Variants in DENND4B observed in about 807,000 individuals in gnomAD.
DENND4B encodes the protein DENN domain containing 4B, also known as DENN domain-containing protein 4B.
In DENND4B, 67 loss-of-function variants were observed where a neutral mutation model predicts 161.0. The ratio of observed to expected loss-of-function variants is 0.42; its 90% CI spans 0.34 to 0.51. The LOEUF is 0.51. Ranked by LOEUF, DENND4B falls within the 20% of genes least tolerant of loss-of-function variation. The pLI, the probability that DENND4B is intolerant of heterozygous loss-of-function variation, is 0.08. For synonymous variants in DENND4B, 753 were observed against 813.8 expected, an observed-to-expected ratio of 0.93 and a Z score of 1.27; for missense variants, 1,481 against 1,968.0, an observed-to-expected ratio of 0.75 and a Z score of 4.68.
rs1557857403 is a variant in DENND4B at position 153,942,101 on chromosome 1, C to T, written c.823G>A (p.Ala275Thr). 3.7e-6 allele frequency: 6 copies of T among 1,613,290 alleles called. No individual in the cohort carries two copies. The highest frequency in any genetic ancestry group is 1.3e-5 in the African/African-American group (1 of 75,020). ...GAAGDKVYGA[A>T]LQFYEAFPRA... is the part of the protein sequence containing the mutation. ...GGGAACGCCTCGTAGAACTGCAGGG[C>T]GGCACCATACACCTGGCAGGGGGCA... Residue 275 changes from alanine to threonine, a missense_variant, in exon 6 of 28, where the codon GCC (alanine) becomes ACC (threonine). Ala to Thr is a moderately conservative substitution (Grantham distance 58). This residue lies in a region of DENND4B where 806 missense variants were observed against 1,134.4 expected (regional missense o/e 0.71). Coordinates refer to ENST00000361217, the MANE Select transcript of DENND4B (RefSeq NM_014856.3). This position sits in a 1 kb window ranked among gnomAD's most constrained non-coding sequence, Gnocchi z 6.9.
chr1:153,941,254 A>T lies in DENND4B; in HGVS notation c.1158T>A (p.Pro386=). Residue 386 remains proline, a synonymous_variant, in exon 8 of 28, where the codon CCT becomes CCA. Transcript: ENST00000361217. The part of the protein sequence containing the change: ...SPYDNLLLCQ[P]VSSPLPLSGA... Reference sequence around the variant, plus strand: ...ACCTGAGGGGCAGGGGTGAGGATACAGGCTGACAGAGGAGCAAGTTGTCAT... The same window carrying T: ...ACCTGAGGGGCAGGGGTGAGGATACTGGCTGACAGAGGAGCAAGTTGTCAT... 2 of 1,613,886 alleles carry T rather than the reference A, an allele frequency of 1.2e-6. No homozygotes were observed. Among genetic ancestry groups the T allele is most frequent in the Non-Finnish European group, 1.7e-6 (2 of 1,179,842 alleles).
Position 153,930,811 on chromosome 1 carries a change from G to T in DENND4B, c.4161C>A (p.Ser1387=). The change falls in exon 26 of 28, where the codon TCC becomes TCA. Residue 1387 remains serine, a synonymous_variant. Coordinates refer to ENST00000361217, the MANE Select transcript of DENND4B (RefSeq NM_014856.3). The surrounding 1 kb of genome is among the most constrained non-coding windows in gnomAD (Gnocchi z 4.7). ...RVVWPGPVPA[S]LSLALLESVL... Reference sequence around the variant, plus strand: ...CTGACTCCAACAGTGCCAAACTAAGGGATGCAGGTACAGGGCCTGGCCATA... The same window carrying T: ...CTGACTCCAACAGTGCCAAACTAAGTGATGCAGGTACAGGGCCTGGCCATA... 6.2e-7 allele frequency: 1 copy of T among 1,605,700 alleles called. No homozygotes were observed. Among genetic ancestry groups the T allele is most frequent in the Non-Finnish European group, 8.5e-7 (1 of 1,176,100 alleles).
At position 153,934,756 on chromosome 1, in the gene DENND4B, C is replaced by G; in HGVS notation, c.2773+4G>C. ...CCAAGCCTGTCTCACCAGGCCCTAC[C>G]CACCTGCCTGGGAGCTGCCTGCCTC... On this transcript the variant is annotated splice_donor_region_variant and intron_variant, in intron 18 of 27. Coordinates refer to ENST00000361217, the MANE Select transcript of DENND4B (RefSeq NM_014856.3). This position sits in a 1 kb window ranked among gnomAD's most constrained non-coding sequence, Gnocchi z 5.3. 1.2e-6 allele frequency: 2 copies of G among 1,610,940 alleles called. No individual in the cohort carries two copies.
At chr1:153,945,563 C>A (rs931099437) in intron 1 of DENND4B, among the ~76,000 whole-genome samples, 1 of 151,830 alleles carries the variant, frequency 6.6e-6, no homozygotes, top group African/African-American at 2.4e-5. Flanking sequence ...GACACACACA[C>A]ACACACACAC....
chr1:153,939,937 A>G (rs573660548), intron 11 of DENND4B, 133 bp from the exon 12 acceptor site: 1 of 912,450 alleles, frequency 1.1e-6, no homozygotes, highest in East Asian at 2.7e-5. Flanking sequence ...ATTACCTTCA[A>G]CTAACAGGTT....
Position 153,936,153 on chromosome 1 carries a change from G to A in DENND4B, c.2475C>T (p.His825=). ...GCACAGACAGCACAGGCTGCCCATA[G>A]TGTGAGCAGAGCTGCATCAGTACCC... ...CYRVLMQLCS[H]YGQPVLSVRV... Residue 825 remains histidine, a synonymous_variant, in exon 17 of 28, where the codon CAC becomes CAT. Coordinates refer to ENST00000361217, the MANE Select transcript of DENND4B (RefSeq NM_014856.3). This position sits in a 1 kb window ranked among gnomAD's most constrained non-coding sequence, Gnocchi z 4.1. 2 of 1,609,502 alleles carry A rather than the reference G, an allele frequency of 1.2e-6. No homozygotes were observed. The highest frequency in any genetic ancestry group is 1.7e-6 in the Non-Finnish European group (2 of 1,177,972).
In DENND4B at chr1:153,933,581, G is replaced by A; in HGVS notation, c.3232C>T (p.Pro1078Ser). Residue 1078 changes from proline (P) to serine (S), a missense_variant, in exon 20 of 28, where the codon CCA becomes TCA. By Grantham distance (74) the Pro-to-Ser change is moderately conservative (BLOSUM62 -1). Transcript: ENST00000361217. The surrounding 1 kb of genome is among the most constrained non-coding windows in gnomAD (Gnocchi z 5.7). ...GGCAGGTCAGGAGGCAGCTCAGGTG[G>A]GGGAATGCGGGAGGCAGGGGAGTGG... ...SRHSPASRIPPPELPPDLPPP... is the reference protein window; with the variant it reads ...SRHSPASRIPSPELPPDLPPP... 2 of 1,566,186 alleles carry A rather than the reference G, an allele frequency of 1.3e-6. No homozygotes were observed. The highest frequency in any genetic ancestry group is 1.2e-5 in the South Asian group (1 of 83,996).
At position 153,938,891 on chromosome 1, in the gene DENND4B, GGAT is replaced by G. The variant is rs1475509472; in HGVS notation, c.1965+6_1965+8del. On this transcript the variant is annotated splice_donor_region_variant and intron_variant, in intron 13 of 27. Transcript: ENST00000361217. ...AGAGGCCAATGAGCACATAGAGAAGGGATGATACCTTTTCAACACAAGAGTCAA... is the reference window on the plus strand; with the variant it reads ...AGAGGCCAATGAGCACATAGAGAAGGGATACCTTTTCAACACAAGAGTCAA... 2 of 1,575,904 alleles carry G rather than the reference GGAT, an allele frequency of 1.3e-6. No homozygotes were observed. The highest frequency in any genetic ancestry group is 1.7e-6 in the Non-Finnish European group (2 of 1,160,796).
Position 153,932,977 on chromosome 1 carries a change from A to T in DENND4B, c.3507T>A (p.Asp1169Glu). The T allele has an allele frequency of 6.2e-7, 1 of 1,613,974 alleles. No individual in the cohort carries two copies. Among genetic ancestry groups the T allele is most frequent in the Non-Finnish European group, 8.5e-7 (1 of 1,179,864 alleles). The change falls in exon 22 of 28, where the codon GAT becomes GAA. Residue 1169 changes from aspartate to glutamate, a missense_variant. By Grantham distance (45) the Asp-to-Glu change is conservative. This residue lies in a region of DENND4B where 336 missense variants were observed against 503.3 expected (regional missense o/e 0.67). Transcript: ENST00000361217. This position sits in a 1 kb window ranked among gnomAD's most constrained non-coding sequence, Gnocchi z 5.8. ...LCRACDSLVY[D>E]EEIMAGWAPD... The stretch of plus-strand genomic sequence containing the variant: ...GTGCCCAGCCAGCCATGATTTCCTC[A>T]TCATACACCAGCGAATCACAGGCAC...
In DENND4B at chr1:153,942,958, G is replaced by T; in HGVS notation, c.490C>A (p.Leu164Ile). The T allele has an allele frequency of 6.2e-7, 1 of 1,613,910 alleles. No homozygotes were observed. The highest frequency in any genetic ancestry group is 8.5e-7 in the Non-Finnish European group (1 of 1,179,838). ...AGLHALGITD[L>I]CLVLPSKGEG... is the part of the protein sequence containing the mutation. ...CCCTTACTGGGCAGCACCAGGCAGA[G>T]GTCAGTGATGCCCAGGGCATGCAGC... The change falls in exon 3 of 28, where the codon CTC becomes ATC. Residue 164 changes from leucine to isoleucine, a missense_variant. By Grantham distance (5) the Leu-to-Ile change is conservative (BLOSUM62 2). Around this residue, in one of 3 missense-constraint regions of DENND4B, gnomAD observed 806 missense variants for 1,134.4 expected, o/e 0.71. Coordinates refer to ENST00000361217, the MANE Select transcript of DENND4B (RefSeq NM_014856.3). The surrounding 1 kb of genome is among the most constrained non-coding windows in gnomAD (Gnocchi z 6.9).
chr1:153,937,932 G>A lies in DENND4B; in HGVS notation c.1966-69C>T, dbSNP rs573916603. Reference sequence around the variant, plus strand: ...TGGAGCAGAGCCAGGGTGTCTAGACGATGGCATCTCCCAGGAAAGCTCATC... The same window carrying A: ...TGGAGCAGAGCCAGGGTGTCTAGACAATGGCATCTCCCAGGAAAGCTCATC... On this transcript the variant is annotated intron_variant, in intron 13 of 27. Transcript: ENST00000361217. This position sits in a 1 kb window ranked among gnomAD's most constrained non-coding sequence, Gnocchi z 4.7. The A allele has an allele frequency of 3.4e-5, 55 of 1,596,884 alleles. No individual in the cohort carries two copies. In the East Asian group the frequency reaches 4.3e-4, roughly 12 times the overall value.
Position 153,930,173 on chromosome 1 carries a change from CT to C in DENND4B, c.*123del. 1 of 1,311,410 alleles carries C rather than the reference CT, an allele frequency of 7.6e-7. No individual in the cohort carries two copies. Among genetic ancestry groups the C allele is most frequent in the Non-Finnish European group, 1.0e-6 (1 of 977,946 alleles). 81.2% of individuals were successfully genotyped at this position (1,311,410 alleles called of 1,614,324 possible). On this transcript the variant is annotated 3_prime_UTR_variant, in exon 28 of 28. Transcript: ENST00000361217. This position sits in a 1 kb window ranked among gnomAD's most constrained non-coding sequence, Gnocchi z 4.7. ...TCTTCCTGTTGTCCTCGCTTGGAGC[CT>C]TTGACTGGGCATCCTTCCCAGCCTG...
Position 153,932,141 on chromosome 1 carries a change from TG to T in DENND4B, c.3996+62del. 1.4e-6 allele frequency: 2 copies of T among 1,452,476 alleles called. No individual in the cohort carries two copies. Among genetic ancestry groups the T allele is most frequent in the Non-Finnish European group, 1.9e-6 (2 of 1,055,392 alleles). The allele number at this position is 1,452,476 out of a possible 1,614,324, so 90.0% of individuals were successfully genotyped here. On this transcript the variant is annotated intron_variant, in intron 24 of 27. Transcript: ENST00000361217. The surrounding 1 kb of genome is among the most constrained non-coding windows in gnomAD (Gnocchi z 5.8). ...TCTTTCTACAGTGCCAAGGACACAG[TG>T]GACAAATGGCTGAGAGATGAGGGAG...
rs1557846896 is a variant in DENND4B, at chr1:153,933,347, GC to G, written c.3331-29del. On this transcript the variant is annotated intron_variant, in intron 20 of 27. Transcript: ENST00000361217. This position sits in a 1 kb window ranked among gnomAD's most constrained non-coding sequence, Gnocchi z 5.7. ...ACCATGACATGAGAAACCATGGTCA[GC>G]CAACCCCATGCTCTTCCACCCAGGA... 1 of 1,613,110 alleles carries G rather than the reference GC, an allele frequency of 6.2e-7. No homozygotes were observed. The highest frequency in any genetic ancestry group is 8.5e-7 in the Non-Finnish European group (1 of 1,179,568).
intron 2 of DENND4B, among the ~76,000 whole-genome samples, chr1:153,943,567 A>C (rs1192005873): frequency 6.6e-6 from 1 of 151,222 alleles, no homozygotes; most frequent in African/African-American, 2.4e-5. Context: ...AGTCTCAGCT[A>C]CTCAGGAAGC....
In DENND4B at chr1:153,941,066, G is replaced by A. The variant is rs1426314742; in HGVS notation, c.1182-18C>T. 6.4e-7 allele frequency: 1 copy of A among 1,552,568 alleles called. No homozygotes were observed. Among genetic ancestry groups the A allele is most frequent in the Non-Finnish European group, 8.7e-7 (1 of 1,149,706 alleles). ...TGGCACCACTGCAGGCAATGCCGAGGTGGGGAAAGGGTCACCAGGATACCC... is the reference window on the plus strand; with the variant it reads ...TGGCACCACTGCAGGCAATGCCGAGATGGGGAAAGGGTCACCAGGATACCC... On this transcript the variant is annotated intron_variant, in intron 8 of 27. Coordinates refer to ENST00000361217, the MANE Select transcript of DENND4B (RefSeq NM_014856.3).
In DENND4B at chr1:153,946,551, T is replaced by TGCTCGCTCGGCCG; in HGVS notation, c.-287_-275dup. 2 of 389,660 alleles carry TGCTCGCTCGGCCG rather than the reference T, an allele frequency of 5.1e-6. No homozygotes were observed. The highest frequency in any genetic ancestry group is 9.1e-6 in the Non-Finnish European group (2 of 220,138). 24.1% of individuals were successfully genotyped at this position (389,660 alleles called of 1,614,324 possible). ...CCACGCGGGGACTGTGCTGCCGCGC[T>TGCTCGCTCGGCCG]GCTCGCTCGGCCGGCTCGGTCCTCC... On this transcript the variant is annotated 5_prime_UTR_variant, in exon 1 of 28. Transcript: ENST00000361217. The surrounding 1 kb of genome is among the most constrained non-coding windows in gnomAD (Gnocchi z 6.3).
rs948321170 is a variant in DENND4B at position 153,946,238 on chromosome 1, G to A, written c.-24+63C>T. ...CTGGGGGCCATCCCCCACCCCGCCT[G>A]CCGCCCGCGCTCCCTCCTGCCCGTC... On this transcript the variant is annotated intron_variant, in intron 1 of 27. Coordinates refer to ENST00000361217, the MANE Select transcript of DENND4B (RefSeq NM_014856.3). This position sits in a 1 kb window ranked among gnomAD's most constrained non-coding sequence, Gnocchi z 6.3. 3 of 329,236 alleles carry A rather than the reference G, an allele frequency of 9.1e-6. No homozygotes were observed. Among genetic ancestry groups the A allele is most frequent in the Non-Finnish European group, 1.7e-5 (3 of 181,796 alleles). 20.4% of individuals were successfully genotyped at this position (329,236 alleles called of 1,614,324 possible).
chr1:153,943,960 C>A (rs1679819782), intron 2 of DENND4B, 98 bp downstream of exon 2: 2 of 1,342,118 alleles, frequency 1.5e-6, no homozygotes, highest in Non-Finnish European at 2.0e-6. Flanking sequence ...AGGCTCCCAT[C>A]CCCATTGCCC....
Sources: gnomAD v4.1 joint callset for allele counts (sites outside exome capture counted in the v4.1 genomes callset) on GRCh38, gnomAD v4.1.1 for gene constraint, gnomAD v4.1.1 regional missense constraint, Gnocchi (gnomAD v3.1) non-coding constraint, MANE v1.5 for transcripts, NCBI Gene and HGNC (gene_info 2026-07-23, HGNC 2026-07-21) for gene names.